LDB2: variants seen among roughly 807,000 people sequenced by gnomAD.
LDB2 encodes LIM domain-binding protein 2.
In LDB2, 12 loss-of-function variants were observed where a neutral mutation model predicts 44.3. The ratio of observed to expected loss-of-function variants is 0.27; its 90% CI spans 0.17 to 0.44. The LOEUF is 0.44. Among genes scored for constraint, LDB2 ranks in the 20% least tolerant of loss-of-function variants. LDB2 has a pLI of 1.00. For missense variants in LDB2, 344 were observed against 473.5 expected (o/e 0.73, Z 2.54); for synonymous variants, 164 against 174.8 (o/e 0.94, Z 0.49).
At chr4:16,503,898 C>T (rs1468658972) in intron 7 of LDB2, among the ~76,000 whole-genome samples, 2 of 152,184 alleles carry the variant, frequency 1.3e-5, no homozygotes, top group Non-Finnish European at 2.9e-5. Flanking sequence ...AGAATGCATA[C>T]ACAGGGCAGA....
At chr4:16,576,898 G>A (rs546334722) in intron 5 of LDB2, among the ~76,000 whole-genome samples, 1 of 152,248 alleles carries the variant, frequency 6.6e-6, no homozygotes, top group South Asian at 2.1e-4. Flanking sequence ...CCAAGTGGTA[G>A]TTATCTCAGG....
chr4:16,629,281 A>G lies in LDB2; in HGVS notation c.236-33406T>C, dbSNP rs141833342. Among the ~76,000 whole-genome samples the G allele has an allele frequency of 1.2e-4, 18 of 152,348 alleles. 1 individual carries two copies. The East Asian group carries it at 3.5e-3, about 29-fold the overall frequency. On this transcript the variant is annotated intron_variant, in intron 2 of 7. Coordinates refer to ENST00000304523, the MANE Select transcript of LDB2 (RefSeq NM_001290.5). Reference sequence around the variant, plus strand: ...CTATGAAGAGAGCAGTGTTTCTCCCAGCATGGAGTTCAAGCTCCAAAAATG... The same window carrying G: ...CTATGAAGAGAGCAGTGTTTCTCCCGGCATGGAGTTCAAGCTCCAAAAATG...
chr4:16,600,008 T>C (rs1722137647), intron 2 of LDB2, among the ~76,000 whole-genome samples: 1 of 152,228 alleles, frequency 6.6e-6, no homozygotes, highest in African/African-American at 2.4e-5. Flanking sequence ...TTGAACTCTT[T>C]ATCAGTATCT....
chr4:16,787,571 G>A (rs1317015219), intron 1 of LDB2, among the ~76,000 whole-genome samples: 1 of 152,120 alleles, frequency 6.6e-6, no homozygotes, highest in Non-Finnish European at 1.5e-5. Context: ...CTGTGATCAC[G>A]CCACTGCACT....
At chr4:16,818,911 T>C (rs1234990890) in intron 1 of LDB2, among the ~76,000 whole-genome samples, 2 of 152,214 alleles carry the variant, frequency 1.3e-5, no homozygotes, top group Non-Finnish European at 2.9e-5. Context: ...TGGATTTTGG[T>C]CTTCCAATCT....
chr4:16,576,741 T>G (rs904225328), intron 5 of LDB2, among the ~76,000 whole-genome samples: 3 of 152,134 alleles, frequency 2.0e-5, no homozygotes, highest in African/African-American at 7.2e-5. Flanking sequence ...GAGGCCAGTA[T>G]TACCCTGATC....
At chr4:16,798,177 T>C (rs1346923228) in intron 1 of LDB2, among the ~76,000 whole-genome samples, 1 of 152,162 alleles carries the variant, frequency 6.6e-6, no homozygotes, top group African/African-American at 2.4e-5. Flanking sequence ...TTTATATAAA[T>C]GAATATTCCT....
At chr4:16,849,429 A>G (rs17759044) in intron 1 of LDB2, among the ~76,000 whole-genome samples, 30,986 of 152,238 alleles carry the variant, frequency 0.2, 3,645 homozygotes, top group South Asian at 0.39. Flanking sequence ...TTCATTCAAA[A>G]TGCCTGGCAT....
intron 5 of LDB2, among the ~76,000 whole-genome samples, chr4:16,572,785 G>A (rs772055783): frequency 1.3e-5 from 2 of 152,166 alleles, no homozygotes; most frequent in East Asian, 3.9e-4. Context: ...AGTGCCCTTC[G>A]GGTGTTCCAA....
intron 5 of LDB2, among the ~76,000 whole-genome samples, chr4:16,560,446 C>G (rs1270359051): frequency 1.3e-5 from 2 of 152,176 alleles, no homozygotes; most frequent in African/African-American, 2.4e-5. Context: ...CACCTCTACG[C>G]AAATAAACTA....
chr4:16,567,385 CGCGTGTGTGCATGCGTGTGTGTGCAT>C (rs1301888159), intron 5 of LDB2, among the ~76,000 whole-genome samples: 2 of 150,940 alleles, frequency 1.3e-5, no homozygotes, highest in Non-Finnish European at 3.0e-5. Flanking sequence ...TGTGTGTGTG[CGCGTGTGTGCATGCGTGTGTGTGCAT>C]GCGTGTGTGT....
chr4:16,520,297 A>G (rs1317884247), intron 5 of LDB2, among the ~76,000 whole-genome samples: 2 of 60,820 alleles, frequency 3.3e-5, no homozygotes, highest in Non-Finnish European at 6.9e-5. Context: ...GGAATCTAAA[A>G]GAAAAAAAAA....
rs559233195 is a variant in LDB2, at chr4:16,730,821, G to A, written c.235+28337C>T. 3.3e-5 allele frequency among the ~76,000 whole-genome samples: 5 copies of A among 152,252 alleles called. No individual in the cohort carries two copies. The East Asian group carries it at 9.7e-4, about 29-fold the overall frequency. On this transcript the variant is annotated intron_variant, in intron 2 of 7. Coordinates refer to ENST00000304523, the MANE Select transcript of LDB2 (RefSeq NM_001290.5). ...GACCTATTCATTGTCATGACACCTGGTGCCATTTACCAAGCTCCTATACCC... is the reference window on the plus strand; with the variant it reads ...GACCTATTCATTGTCATGACACCTGATGCCATTTACCAAGCTCCTATACCC...
Position 16,646,531 on chromosome 4 carries a change from C to T in LDB2, c.236-50656G>A, listed in dbSNP as rs552541687. 3.0e-3 allele frequency among the ~76,000 whole-genome samples: 457 copies of T among 152,300 alleles called. 3 individuals are homozygous for T. The highest frequency in any genetic ancestry group is 0.011 in the African/African-American group (445 of 41,562). On this transcript the variant is annotated intron_variant, in intron 2 of 7. Transcript: ENST00000304523. ...GAATGTTACTGGTTCAACATGGCCT[C>T]TTGCACATCTGCCATAAGAAGAATA...
intron 2 of LDB2, among the ~76,000 whole-genome samples, chr4:16,596,831 T>C (rs573146408): frequency 6.6e-6 from 1 of 152,280 alleles, no homozygotes; most frequent in Non-Finnish European, 1.5e-5. Flanking sequence ...TAACAAGCCC[T>C]TTTTTCAGCA....
chr4:16,754,818 C>G (rs1766186666), intron 2 of LDB2, among the ~76,000 whole-genome samples: 1 of 152,144 alleles, frequency 6.6e-6, no homozygotes, highest in Admixed American at 6.5e-5. Context: ...AGGCGTTAGC[C>G]ACAGCACCCA....
intron 2 of LDB2, among the ~76,000 whole-genome samples, chr4:16,658,657 T>C (rs1323072479): frequency 1.3e-5 from 2 of 152,204 alleles, no homozygotes; most frequent in Non-Finnish European, 2.9e-5. Flanking sequence ...CAAACAAATA[T>C]GCAGGCCACA....
At chr4:16,685,740 A>T (rs1749081732) in intron 2 of LDB2, among the ~76,000 whole-genome samples, 1 of 152,160 alleles carries the variant, frequency 6.6e-6, no homozygotes, top group South Asian at 2.1e-4. Flanking sequence ...TTCTCTACCA[A>T]GTGGTCACCA....
At chr4:16,505,887 C>T (rs1719218190) in intron 7 of LDB2, 1 of 1,551,446 alleles carries the variant, frequency 6.4e-7, no homozygotes, top group Non-Finnish European at 8.7e-7. Context: ...CTCAATGCTT[C>T]TCCTTAAATT....
Sources: allele counts gnomAD v4.1 joint callset (sites outside exome capture counted in the v4.1 genomes callset), GRCh38; gene constraint gnomAD v4.1.1; transcripts MANE v1.5; gene names NCBI Gene and HGNC (gene_info 2026-07-23, HGNC 2026-07-21).